Variants in GLIS3 observed in about 807,000 individuals in gnomAD.
The protein encoded by GLIS3 is zinc finger protein GLIS3.
GLIS3 carries 53 observed loss-of-function variants against 78.6 expected under a neutral mutation model. The observed-to-expected ratio is 0.67, with a 90% CI of 0.54 to 0.85. The LOEUF (loss-of-function observed/expected upper bound fraction) is 0.85. Ranked by LOEUF, GLIS3 falls within the 40% of genes least tolerant of loss-of-function variation. The pLI, the probability that GLIS3 is intolerant of heterozygous loss-of-function variation, is 0.00. For missense variants in GLIS3, 1,703 were observed against 1,231.1 expected, an observed-to-expected ratio of 1.38 and a Z score of -5.74; for synonymous variants, 684 against 509.9, an observed-to-expected ratio of 1.34 and a Z score of -4.60.
rs183914971 is a variant in GLIS3 at position 4,238,668 on chromosome 9, G to A, written c.388+47370C>T. 6.3e-4 allele frequency among the ~76,000 whole-genome samples: 96 copies of A among 152,236 alleles called. 1 individual carries two copies. The highest frequency in any genetic ancestry group is 2.3e-3 in the African/African-American group (95 of 41,554). On this transcript the variant is annotated intron_variant, in intron 2 of 10. Transcript: ENST00000381971. ...AACAAAACAAAACAAAATTTACTGA[G>A]CACATGTTCTGTCTGTGTGTCATTC...
At position 4,190,550 on chromosome 9, in the gene GLIS3, G is replaced by A. The variant is rs968036931; in HGVS notation, c.389-64609C>T. On this transcript the variant is annotated intron_variant, in intron 2 of 10. Transcript: ENST00000381971. ...GACTATGTGAAAAGACCAAGTCTAC[G>A]TCTGATTGGTGTACCTGAAAGTGAC... 1.4e-5 allele frequency among the ~76,000 whole-genome samples: 2 copies of A among 144,442 alleles called. 1 individual carries two copies. Among genetic ancestry groups the A allele is most frequent in the Admixed American group, 1.4e-4 (2 of 13,934 alleles). 94.8% of individuals were successfully genotyped at this position (144,442 alleles called of 152,430 possible).
chr9:4,200,284 A>G (rs986788856), intron 2 of GLIS3, among the ~76,000 whole-genome samples: 9 of 152,316 alleles, frequency 5.9e-5, no homozygotes, highest in Non-Finnish European at 1.2e-4. Context: ...AGCTAGCAGA[A>G]GAAAATAAAT....
chr9:3,927,644 C>T (rs1466139457), intron 6 of GLIS3, among the ~76,000 whole-genome samples: 1 of 152,178 alleles, frequency 6.6e-6, no homozygotes, highest in Non-Finnish European at 1.5e-5. Flanking sequence ...TTTCTGATCA[C>T]TCAAGAAAGG....
At chr9:4,399,208 C>T in the GLIS3 span, among the ~76,000 whole-genome samples, 9 of 152,100 alleles carry the variant, frequency 5.9e-5, no homozygotes, top group Admixed American at 3.3e-4. Flanking sequence ...ATGATGGATA[C>T]GCTAACTACC....
At chr9:3,964,944 A>G (rs1381307386) in intron 4 of GLIS3, among the ~76,000 whole-genome samples, 4 of 152,186 alleles carry the variant, frequency 2.6e-5, no homozygotes, top group African/African-American at 9.7e-5. Flanking sequence ...TGCCTGTTTG[A>G]AGTCAGATAC....
At chr9:4,256,397 A>G (rs868097855) in intron 2 of GLIS3, among the ~76,000 whole-genome samples, 1 of 152,236 alleles carries the variant, frequency 6.6e-6, no homozygotes, top group Middle Eastern at 3.2e-3. Flanking sequence ...CAACTTTAGT[A>G]ACAATCAATG....
intron 4 of GLIS3, among the ~76,000 whole-genome samples, chr9:4,044,489 G>C (rs950865385): frequency 2.0e-5 from 3 of 152,120 alleles, no homozygotes; most frequent in African/African-American, 7.2e-5. Flanking sequence ...CTCCACGCCT[G>C]GTCCTATTCC....
At chr9:4,460,751 C>A in the GLIS3 span, among the ~76,000 whole-genome samples, 2 of 152,100 alleles carry the variant, frequency 1.3e-5, no homozygotes, top group African/African-American at 2.4e-5. Flanking sequence ...CTTTTTTCTT[C>A]TACATGTCTG....
At chr9:3,960,048 A>G (rs1817444380) in intron 4 of GLIS3, among the ~76,000 whole-genome samples, 1 of 152,168 alleles carries the variant, frequency 6.6e-6, no homozygotes, top group South Asian at 2.1e-4. Flanking sequence ...GTTGCAGAAG[A>G]ATTGCTTGAA....
chr9:4,028,554 T>G (rs1157820773), intron 4 of GLIS3, among the ~76,000 whole-genome samples: 2 of 152,180 alleles, frequency 1.3e-5, no homozygotes, highest in African/African-American at 2.4e-5. Context: ...TAAAGCTCAC[T>G]GAATTTTCAC....
chr9:4,267,289 T>C (rs1466435844), intron 2 of GLIS3, among the ~76,000 whole-genome samples: 1 of 152,170 alleles, frequency 6.6e-6, no homozygotes, highest in African/African-American at 2.4e-5. Context: ...AGATCAAAGA[T>C]GAGTTTATAG....
Position 4,299,806 on chromosome 9 carries a change from G to A in GLIS3, c.-484C>T, listed in dbSNP as rs531371078. ...CGCCTGTCCTGTTCATCCTCGTCCT[G>A]GGCCGGGGAATGCTTCTGGGGGCCG... On this transcript the variant is annotated 5_prime_UTR_variant, in exon 1 of 11. Coordinates refer to ENST00000381971, the MANE Select transcript of GLIS3 (RefSeq NM_001042413.2). 1.3e-5 allele frequency: 2 copies of A among 152,694 alleles called. No individual in the cohort carries two copies. 9.5% of individuals were successfully genotyped at this position (152,694 alleles called of 1,614,324 possible).
chr9:4,255,492 A>G (rs764424747), intron 2 of GLIS3, among the ~76,000 whole-genome samples: 1 of 152,188 alleles, frequency 6.6e-6, no homozygotes, highest in Admixed American at 6.5e-5. Context: ...GTGAATGGAT[A>G]AACAGTCGTA....
chr9:3,966,674 A>G (rs1019405074), intron 4 of GLIS3, among the ~76,000 whole-genome samples: 7 of 151,928 alleles, frequency 4.6e-5, no homozygotes, highest in East Asian at 3.9e-4. Flanking sequence ...CACGCCTGCA[A>G]TCCCAGCTAC....
At chr9:4,187,477 G>A (rs1004762048) in intron 2 of GLIS3, among the ~76,000 whole-genome samples, 2 of 152,052 alleles carry the variant, frequency 1.3e-5, no homozygotes, top group Non-Finnish European at 2.9e-5. Flanking sequence ...TTGGCGATGT[G>A]GGCTCTTTTT....
intron 9 of GLIS3, among the ~76,000 whole-genome samples, chr9:3,838,112 T>C (rs896230980): frequency 6.6e-6 from 1 of 152,172 alleles, no homozygotes; most frequent in African/African-American, 2.4e-5. Flanking sequence ...CTCTGTATTA[T>C]ATGCCTTCCC....
intron 6 of GLIS3, among the ~76,000 whole-genome samples, chr9:3,929,874 A>AT (rs1825505316): frequency 6.6e-6 from 1 of 151,952 alleles, no homozygotes; most frequent in Admixed American, 6.6e-5. Flanking sequence ...TAAAAGGTTT[A>AT]TTGTTTCTTT....
At chr9:4,207,779 G>A (rs1048830200) in intron 2 of GLIS3, among the ~76,000 whole-genome samples, 5 of 152,172 alleles carry the variant, frequency 3.3e-5, no homozygotes, top group Admixed American at 6.5e-5. Context: ...CTGGCCCTGG[G>A]CTTGCATCCT....
the GLIS3 span, among the ~76,000 whole-genome samples, chr9:4,449,580 A>T: frequency 6.6e-6 from 1 of 152,168 alleles, no homozygotes; most frequent in Non-Finnish European, 1.5e-5. Flanking sequence ...GGGCCAATTG[A>T]TACCTCATAC....
Sources: allele counts gnomAD v4.1 joint callset (sites outside exome capture counted in the v4.1 genomes callset), GRCh38; gene constraint gnomAD v4.1.1; transcripts MANE v1.5; gene names NCBI Gene and HGNC (gene_info 2026-07-23, HGNC 2026-07-21).